The following DMD variants were observed in gnomAD, a reference collection of about 807,000 sequenced individuals.
DMD encodes mutant dystrophin.
A neutral mutation model predicts 330.1 loss-of-function variants in DMD; 63 were observed. That is an observed-to-expected ratio of 0.19 (90% CI 0.16 to 0.24). DMD has a LOEUF of 0.24. Ranked by LOEUF, DMD falls within the 10% of genes least tolerant of loss-of-function variation. The probability of loss-of-function intolerance (pLI) is 1.00; values close to 1 mark genes in which losing one functional copy is unlikely to be tolerated. For synonymous variants in DMD, 1,223 were observed against 959.8 expected (o/e 1.27, Z -5.07); for missense variants, 3,344 against 2,684.1 (o/e 1.25, Z -5.43).
At chrX:31,984,324 T>G (rs1158283501) in intron 44 of DMD, among the ~76,000 whole-genome samples, 1 of 112,348 alleles carries the variant, frequency 8.9e-6, no homozygotes, top group African/African-American at 3.2e-5. Flanking sequence ...AGATTACATG[T>G]TTTTGTAAAG....
At chrX:33,243,900 G>A (rs891220685) in intron 1 of DMD, among the ~76,000 whole-genome samples, 1 of 111,422 alleles carries the variant, frequency 9.0e-6, no homozygotes, top group Admixed American at 9.6e-5. Flanking sequence ...AGGCATGGGA[G>A]GGGGTTGTAT....
intron 2 of DMD, among the ~76,000 whole-genome samples, chrX:32,949,578 T>C (rs1259648665): frequency 9.0e-6 from 1 of 111,432 alleles, no homozygotes; most frequent in Non-Finnish European, 1.9e-5. Flanking sequence ...CTGTGTTTCA[T>C]CCCCTATCAT....
At chrX:32,674,736 T>C (rs1187378321) in intron 9 of DMD, among the ~76,000 whole-genome samples, 2 of 110,416 alleles carry the variant, frequency 1.8e-5, no homozygotes, top group African/African-American at 6.6e-5. Flanking sequence ...GGGAAAAGAG[T>C]TTCCAAGATC....
Position 31,875,283 on chromosome X carries a change from C to T in DMD, c.7003G>A (p.Glu2335Lys), listed in dbSNP as rs746939168. 6.7e-6 allele frequency: 8 copies of T among 1,187,870 alleles called. No homozygotes were observed. The highest frequency in any genetic ancestry group is 9.1e-6 in the Non-Finnish European group (8 of 878,767). Residue 2335 changes from glutamate (E) to lysine (K), a missense_variant, in exon 48 of 79, where the codon GAG becomes AAG. Coordinates refer to ENST00000357033, the MANE Select transcript of DMD (RefSeq NM_004006.3). ...CACAGCAGCAGATGATTTAACTGCT[C>T]TTCAAGGTCTTCAAGCTTTTTTTCA... ...QLEKKLEDLE[E>K]QLNHLLLWLS...
intron 59 of DMD, among the ~76,000 whole-genome samples, chrX:31,445,596 A>G (rs2065214685): frequency 8.9e-6 from 1 of 111,759 alleles, no homozygotes; most frequent in East Asian, 2.8e-4. Flanking sequence ...ACATCATAAC[A>G]GTTTCATTTA....
At chrX:32,421,140 A>G (rs980393207) in intron 29 of DMD, among the ~76,000 whole-genome samples, 1 of 111,997 alleles carries the variant, frequency 8.9e-6, no homozygotes, top group African/African-American at 3.2e-5. Context: ...TATCACAAAT[A>G]CTCCAGATGA....
intron 44 of DMD, among the ~76,000 whole-genome samples, chrX:31,999,671 A>G (rs2095612249): frequency 8.9e-6 from 1 of 111,980 alleles, no homozygotes; most frequent in South Asian, 3.6e-4. Flanking sequence ...TACAAAGGCA[A>G]AGCTCTATAG....
intron 7 of DMD, among the ~76,000 whole-genome samples, chrX:32,734,253 G>C (rs1327868059): frequency 9.8e-6 from 1 of 102,279 alleles, no homozygotes; most frequent in Non-Finnish European, 1.9e-5. Context: ...AACAGGATCT[G>C]AAATTGTGGC....
At chrX:32,799,590 G>A (rs1233417040) in intron 7 of DMD, among the ~76,000 whole-genome samples, 1 of 104,408 alleles carries the variant, frequency 9.6e-6, no homozygotes, top group Non-Finnish European at 1.9e-5. Context: ...TTAATATAGG[G>A]AGGATTTTTT....
At chrX:31,172,325 G>A (rs1352179519) in intron 73 of DMD, 23 bp downstream of exon 73, 6 of 1,107,567 alleles carry the variant, frequency 5.4e-6, no homozygotes, top group Non-Finnish European at 7.5e-6. Flanking sequence ...GGAACATTTT[G>A]TAAAAAGAGA....
rs187584332 is a variant in DMD at position 32,731,214 on chromosome X, A to C, written c.650-31921T>G. On this transcript the variant is annotated intron_variant, in intron 7 of 78. Transcript: ENST00000357033. ...CTGCGTGTTTCCGACGGGCTTAAAAAACGGCACACCAGGAGATTATATCCT... is the reference window on the plus strand; with the variant it reads ...CTGCGTGTTTCCGACGGGCTTAAAACACGGCACACCAGGAGATTATATCCT... Among the ~76,000 whole-genome samples, 3 of 112,124 alleles carry C rather than the reference A, an allele frequency of 2.7e-5. No homozygotes were observed. In the East Asian group the frequency reaches 8.5e-4, roughly 32 times the overall value.
intron 7 of DMD, among the ~76,000 whole-genome samples, chrX:32,721,285 C>G (rs1015657386): frequency 9.0e-6 from 1 of 110,651 alleles, no homozygotes; most frequent in Non-Finnish European, 1.9e-5. Flanking sequence ...CACTCCCAGA[C>G]AATTTTCCAT....
intron 45 of DMD, among the ~76,000 whole-genome samples, chrX:31,964,026 A>G (rs960033942): frequency 9.0e-6 from 1 of 111,547 alleles, no homozygotes; most frequent in Non-Finnish European, 1.9e-5. Flanking sequence ...GCATTTAGTG[A>G]GACTACTTCA....
intron 7 of DMD, among the ~76,000 whole-genome samples, chrX:32,795,997 T>A (rs760732109): frequency 9.0e-6 from 1 of 111,538 alleles, no homozygotes; most frequent in Non-Finnish European, 1.9e-5. Flanking sequence ...CTTAATACAT[T>A]GTTGTAGTTC....
At chrX:32,398,580 T>C (rs1479907993) in intron 30 of DMD, among the ~76,000 whole-genome samples, 3 of 111,268 alleles carry the variant, frequency 2.7e-5, no homozygotes, top group Non-Finnish European at 1.9e-5. Context: ...CACAGAACCG[T>C]TTAAAAATAA....
At chrX:32,769,901 A>C (rs1226192762) in intron 7 of DMD, among the ~76,000 whole-genome samples, 2 of 111,829 alleles carry the variant, frequency 1.8e-5, no homozygotes, top group Non-Finnish European at 3.8e-5. Context: ...AGTCATCTTT[A>C]AGTTCTAGGA....
At chrX:33,334,844 C>T (rs910140874) in intron 1 of DMD, among the ~76,000 whole-genome samples, 3 of 111,172 alleles carry the variant, frequency 2.7e-5, no homozygotes, top group African/African-American at 6.5e-5. Flanking sequence ...AAAATTATCT[C>T]AGACATCTTC....
chrX:33,026,838 T>TAACA (rs943184043), intron 1 of DMD, among the ~76,000 whole-genome samples: 3 of 111,209 alleles, frequency 2.7e-5, no homozygotes, highest in Non-Finnish European at 3.8e-5. Context: ...TTGTTCTTAA[T>TAACA]AACATCACCT....
chrX:31,433,087 C>T (rs1811579787), intron 60 of DMD, among the ~76,000 whole-genome samples: 1 of 111,646 alleles, frequency 9.0e-6, no homozygotes, highest in African/African-American at 3.3e-5. Flanking sequence ...CCTGTTGTTC[C>T]CAACTTTACA....
Sources: allele counts gnomAD v4.1 joint callset (sites outside exome capture counted in the v4.1 genomes callset), GRCh38; gene constraint gnomAD v4.1.1; transcripts MANE v1.5; gene names NCBI Gene and HGNC (gene_info 2026-07-23, HGNC 2026-07-21).